The following ST6GAL1 variants were observed in gnomAD, a reference collection of about 807,000 sequenced individuals.
The protein encoded by ST6GAL1 is beta-galactoside alpha-2,6-sialyltransferase 1.
In ST6GAL1, 20 loss-of-function variants were observed where a neutral mutation model predicts 38.0. The observed-to-expected ratio is 0.53, with a 90% CI of 0.37 to 0.77. ST6GAL1 has a LOEUF of 0.77. Ranked by LOEUF, ST6GAL1 falls within the 30% of genes least tolerant of loss-of-function variation. ST6GAL1 has a pLI of 0.00. For missense variants in ST6GAL1, 432 were observed against 496.4 expected, an observed-to-expected ratio of 0.87 and a Z score of 1.23; for synonymous variants, 196 against 188.2, an observed-to-expected ratio of 1.04 and a Z score of -0.34.
At chr3:186,936,207 C>G (rs943554084) in intron 1 of ST6GAL1, among the ~76,000 whole-genome samples, 7 of 152,126 alleles carry the variant, frequency 4.6e-5, no homozygotes, top group Non-Finnish European at 1.0e-4. Flanking sequence ...AAGGGAAGAG[C>G]AGGTGGTAAA....
chr3:186,977,640 C>T (rs576365423), intron 2 of ST6GAL1, among the ~76,000 whole-genome samples: 1 of 152,272 alleles, frequency 6.6e-6, no homozygotes, highest in East Asian at 1.9e-4. Context: ...ATCAGTCTCA[C>T]GCAGGAGACA....
chr3:186,973,000 G>C (rs771468595), intron 2 of ST6GAL1, among the ~76,000 whole-genome samples: 6 of 152,268 alleles, frequency 3.9e-5, no homozygotes, highest in African/African-American at 4.8e-5. Context: ...TCAGGCTCTG[G>C]ATCACCGCTG....
chr3:186,932,520 A>G (rs1713795195), intron 1 of ST6GAL1, among the ~76,000 whole-genome samples: 1 of 152,226 alleles, frequency 6.6e-6, no homozygotes, highest in South Asian at 2.1e-4. Context: ...CTCTCCTTCA[A>G]GCCTTTCAAA....
chr3:187,029,648 C>T (rs988748559), intron 2 of ST6GAL1, among the ~76,000 whole-genome samples: 12 of 152,256 alleles, frequency 7.9e-5, no homozygotes, highest in Admixed American at 2.6e-4. Context: ...TTAGGGATCG[C>T]GAACTTGAAG....
intron 2 of ST6GAL1, among the ~76,000 whole-genome samples, chr3:187,015,680 A>G (rs1717091651): frequency 6.6e-6 from 1 of 152,034 alleles, no homozygotes. Flanking sequence ...TCTACAAAAA[A>G]TTACAAAAAT....
intron 7 of ST6GAL1, 144 bp downstream of exon 7, chr3:187,074,477 A>G (rs1282799119): frequency 3.5e-6 from 3 of 855,868 alleles, no homozygotes; most frequent in Non-Finnish European, 5.0e-6. Flanking sequence ...GACCATGCCA[A>G]GTTCTATCTA....
chr3:186,971,391 C>T (rs1715344969), intron 2 of ST6GAL1, among the ~76,000 whole-genome samples: 1 of 152,142 alleles, frequency 6.6e-6, no homozygotes, highest in South Asian at 2.1e-4. Flanking sequence ...AGCCACTGTG[C>T]CCCCCCAACG....
At chr3:187,003,737 C>T (rs1467979557) in intron 2 of ST6GAL1, among the ~76,000 whole-genome samples, 1 of 152,122 alleles carries the variant, frequency 6.6e-6, no homozygotes, top group Non-Finnish European at 1.5e-5. Flanking sequence ...AATTGAAAAT[C>T]CGTCAGACAG....
At chr3:187,038,010 CAT>C (rs539092051) in intron 2 of ST6GAL1, among the ~76,000 whole-genome samples, 237 of 151,900 alleles carry the variant, frequency 1.6e-3, no homozygotes, top group African/African-American at 5.4e-3. Context: ...TGAACTTTCA[CAT>C]ATTATTAAAT....
intron 1 of ST6GAL1, among the ~76,000 whole-genome samples, chr3:186,933,314 T>C (rs1403093072): frequency 6.6e-6 from 1 of 152,196 alleles, no homozygotes; most frequent in Non-Finnish European, 1.5e-5. Context: ...CGTCTTCAGG[T>C]AGGGGACCAA....
At chr3:187,067,661 A>T (rs1393634393) in intron 5 of ST6GAL1, among the ~76,000 whole-genome samples, 1 of 152,034 alleles carries the variant, frequency 6.6e-6, no homozygotes, top group African/African-American at 2.4e-5. Context: ...TTTCCATTGG[A>T]TACAGGAAGA....
intron 2 of ST6GAL1, among the ~76,000 whole-genome samples, chr3:187,036,728 A>G (rs1287781067): frequency 1.3e-5 from 2 of 152,216 alleles, no homozygotes; most frequent in African/African-American, 2.4e-5. Flanking sequence ...AAAGATGGCA[A>G]TAATAAACAC....
intron 2 of ST6GAL1, among the ~76,000 whole-genome samples, chr3:187,027,664 T>C (rs889346888): frequency 1.3e-5 from 2 of 152,140 alleles, no homozygotes; most frequent in Non-Finnish European, 2.9e-5. Flanking sequence ...AGAAGCTCAC[T>C]GACAGAACCG....
intron 5 of ST6GAL1, among the ~76,000 whole-genome samples, chr3:187,054,581 T>G (rs1173501534): frequency 6.6e-6 from 1 of 152,230 alleles, no homozygotes; most frequent in East Asian, 1.9e-4. Flanking sequence ...CATTGTTCTG[T>G]TTATGTGATG....
At chr3:187,074,723 T>C (rs1719503603) in intron 7 of ST6GAL1, among the ~76,000 whole-genome samples, 3 of 151,778 alleles carry the variant, frequency 2.0e-5, no homozygotes, top group Admixed American at 1.3e-4. Flanking sequence ...AGGGAAGCTA[T>C]GAACAGGGGA....
At chr3:186,960,663 GA>G (rs201346333) in intron 1 of ST6GAL1, among the ~76,000 whole-genome samples, 9 of 147,678 alleles carry the variant, frequency 6.1e-5, no homozygotes, top group African/African-American at 1.5e-4. Context: ...CTACTTAATA[GA>G]AAAAAAAAAC....
chr3:186,976,590 C>T (rs1301656377), intron 2 of ST6GAL1, among the ~76,000 whole-genome samples: 4 of 147,660 alleles, frequency 2.7e-5, no homozygotes, highest in Non-Finnish European at 6.1e-5. Flanking sequence ...CCCCCACACC[C>T]GGCTATTTTT....
intron 2 of ST6GAL1, among the ~76,000 whole-genome samples, chr3:187,018,098 A>G (rs1717176078): frequency 6.6e-6 from 1 of 151,754 alleles, no homozygotes; most frequent in African/African-American, 2.4e-5. Context: ...CATAACTGCT[A>G]CTCTGCCTTT....
At chr3:186,975,682 C>T (rs767675568) in intron 2 of ST6GAL1, among the ~76,000 whole-genome samples, 21 of 152,226 alleles carry the variant, frequency 1.4e-4, no homozygotes, top group Admixed American at 3.9e-4. Context: ...GAGGATCCAG[C>T]GAAAGAGATG....
Sources: gnomAD v4.1 joint callset for allele counts (sites outside exome capture counted in the v4.1 genomes callset) on GRCh38, gnomAD v4.1.1 for gene constraint, MANE v1.5 for transcripts, NCBI Gene and HGNC (gene_info 2026-07-23, HGNC 2026-07-21) for gene names.